The following KLF12 variants were observed in gnomAD, a reference collection of about 807,000 sequenced individuals.
The protein encoded by KLF12 is KLF transcription factor 12, also known as Krueppel-like factor 12.
KLF12 carries 9 observed loss-of-function variants against 37.8 expected under a neutral mutation model. The ratio of observed to expected loss-of-function variants is 0.24; its 90% CI spans 0.14 to 0.42. The LOEUF (loss-of-function observed/expected upper bound fraction) is 0.42, where lower values mean the gene tolerates loss of function less well. Among genes scored for constraint, KLF12 ranks in the 10% least tolerant of loss-of-function variants. KLF12 has a pLI of 1.00. For synonymous variants in KLF12, 208 were observed against 202.1 expected, an observed-to-expected ratio of 1.03 and a Z score of -0.25; for missense variants, 411 against 516.0, an observed-to-expected ratio of 0.80 and a Z score of 1.97.
chr13:74,197,411 A>G, the KLF12 span, among the ~76,000 whole-genome samples: 4 of 152,192 alleles, frequency 2.6e-5, no homozygotes, highest in African/African-American at 9.6e-5. Context: ...TAAAATTTCA[A>G]GAGTGTGTAA....
intron 2 of KLF12, among the ~76,000 whole-genome samples, chr13:73,954,207 T>C (rs1035277586): frequency 2.0e-5 from 3 of 152,020 alleles, no homozygotes; most frequent in African/African-American, 4.8e-5. Context: ...CTCGGTCTCC[T>C]GACTTTGTGA....
At chr13:73,776,431 A>C (rs1880613594) in intron 5 of KLF12, among the ~76,000 whole-genome samples, 2 of 152,180 alleles carry the variant, frequency 1.3e-5, no homozygotes, top group Non-Finnish European at 2.9e-5. Flanking sequence ...CAAACACATA[A>C]ATCAGTACCC....
intron 1 of KLF12, among the ~76,000 whole-genome samples, chr13:74,026,746 G>A (rs1033296883): frequency 6.6e-6 from 1 of 152,124 alleles, no homozygotes; most frequent in Non-Finnish European, 1.5e-5. Flanking sequence ...TCTGTAATTT[G>A]TGTTCTAGAA....
chr13:73,761,466 A>C (rs781088984), intron 6 of KLF12, among the ~76,000 whole-genome samples: 1 of 152,160 alleles, frequency 6.6e-6, no homozygotes, highest in Non-Finnish European at 1.5e-5. Context: ...GCATCAGAGG[A>C]ATCTGCACAA....
At chr13:73,726,788 C>A (rs1400626199) in intron 6 of KLF12, among the ~76,000 whole-genome samples, 2 of 152,162 alleles carry the variant, frequency 1.3e-5, no homozygotes, top group African/African-American at 4.8e-5. Context: ...GTTTTCAGAT[C>A]TCTTGGTTAC....
At chr13:73,974,873 G>T (rs931196384) in intron 2 of KLF12, among the ~76,000 whole-genome samples, 1 of 152,144 alleles carries the variant, frequency 6.6e-6, no homozygotes, top group African/African-American at 2.4e-5. Flanking sequence ...ACTATTATTT[G>T]CTGTTTGTTT....
At chr13:73,880,433 T>C (rs1280358230) in intron 3 of KLF12, among the ~76,000 whole-genome samples, 4 of 152,266 alleles carry the variant, frequency 2.6e-5, no homozygotes, top group Non-Finnish European at 5.9e-5. Flanking sequence ...CCATTAAGCG[T>C]AGGGGTGAAA....
the KLF12 span, among the ~76,000 whole-genome samples, chr13:74,298,236 C>T: frequency 6.6e-6 from 1 of 152,132 alleles, no homozygotes; most frequent in African/African-American, 2.4e-5. Flanking sequence ...CATTTAAATA[C>T]TTTTCAGAGG....
At chr13:73,752,049 G>C (rs1340177078) in intron 6 of KLF12, among the ~76,000 whole-genome samples, 1 of 151,926 alleles carries the variant, frequency 6.6e-6, no homozygotes, top group African/African-American at 2.4e-5. Flanking sequence ...GCCCAGGCTG[G>C]AGTGCTCACT....
the KLF12 span, among the ~76,000 whole-genome samples, chr13:74,191,659 A>G: frequency 0.058 from 8,886 of 152,220 alleles, 794 homozygotes; most frequent in African/African-American, 0.2. Context: ...TCTAGCATAC[A>G]GGCCTACTTA....
At chr13:73,706,410 G>A (rs999263251) in intron 7 of KLF12, among the ~76,000 whole-genome samples, 1 of 152,028 alleles carries the variant, frequency 6.6e-6, no homozygotes, top group Non-Finnish European at 1.5e-5. Context: ...ATAAAAATAA[G>A]GTAAAACTTT....
chr13:73,846,377 T>C lies in KLF12; in HGVS notation c.124-4A>G, dbSNP rs1183858409. ...GATAGTTGTGGACGTTTGGAGACTG[T>C]GGGGAGAAAAATGGAACATATATTT... On this transcript the variant is annotated splice_region_variant and splice_polypyrimidine_tract_variant and intron_variant, in intron 3 of 7. Coordinates refer to ENST00000377669, the MANE Select transcript of KLF12 (RefSeq NM_007249.5). 6.2e-7 allele frequency: 1 copy of C among 1,603,156 alleles called. No homozygotes were observed. The highest frequency in any genetic ancestry group is 1.1e-5 in the South Asian group (1 of 89,852).
chr13:73,711,439 G>A (rs960062556), intron 7 of KLF12, among the ~76,000 whole-genome samples: 5 of 152,210 alleles, frequency 3.3e-5, no homozygotes, highest in African/African-American at 1.2e-4. Flanking sequence ...AATGGAGACA[G>A]TAACCTTCAG....
intron 1 of KLF12, among the ~76,000 whole-genome samples, chr13:74,083,793 T>A (rs1875083615): frequency 6.6e-6 from 1 of 152,218 alleles, no homozygotes; most frequent in South Asian, 2.1e-4. Flanking sequence ...ATGAAGTAAC[T>A]GTGAAATAGA....
At chr13:74,290,463 C>T in the KLF12 span, among the ~76,000 whole-genome samples, 1 of 152,192 alleles carries the variant, frequency 6.6e-6, no homozygotes, top group Admixed American at 6.5e-5. Flanking sequence ...CCGCATATTA[C>T]TCACTACCTC....
chr13:73,844,822 CA>C (rs1334889084), intron 4 of KLF12: 2 of 152,134 alleles, frequency 1.3e-5, no homozygotes, highest in South Asian at 2.1e-4. Context: ...AGTGTCAAAG[CA>C]AAAAGTAATA....
chr13:74,157,017 A>T, the KLF12 span, among the ~76,000 whole-genome samples: 1 of 152,146 alleles, frequency 6.6e-6, no homozygotes, highest in East Asian at 1.9e-4. Context: ...GTGTGAGGGT[A>T]TGACAGTATA....
At chr13:73,897,438 C>T (rs1887837756) in intron 3 of KLF12, among the ~76,000 whole-genome samples, 1 of 152,118 alleles carries the variant, frequency 6.6e-6, no homozygotes, top group Non-Finnish European at 1.5e-5. Context: ...TCAGGTGGAA[C>T]TAAATCCATC....
At chr13:73,973,094 C>A (rs1258418091) in intron 2 of KLF12, among the ~76,000 whole-genome samples, 1 of 152,026 alleles carries the variant, frequency 6.6e-6, no homozygotes, top group African/African-American at 2.4e-5. Flanking sequence ...AAATGTAAAA[C>A]CCATTTAGCT....
Sources: allele counts gnomAD v4.1 joint callset (sites outside exome capture counted in the v4.1 genomes callset), GRCh38; gene constraint gnomAD v4.1.1; transcripts MANE v1.5; gene names NCBI Gene and HGNC (gene_info 2026-07-23, HGNC 2026-07-21).